Variants in ITIH5 observed in about 807,000 individuals in gnomAD.
The protein encoded by ITIH5 is inter-alpha-trypsin inhibitor heavy chain H5.
In ITIH5, 65 loss-of-function variants were observed where a neutral mutation model predicts 77.5. The observed-to-expected ratio is 0.84, with a 90% confidence interval of 0.69 to 1.03. The LOEUF is 1.03. ITIH5 is among the 50% of genes least tolerant of loss of function. The probability of loss-of-function intolerance (pLI) is 0.00; values close to 1 mark genes in which losing one functional copy is unlikely to be tolerated. For missense variants in ITIH5, 1,208 were observed against 1,213.1 expected, an observed-to-expected ratio of 1.00 and a Z score of 0.06; for synonymous variants, 525 against 494.3, an observed-to-expected ratio of 1.06 and a Z score of -0.82.
chr10:7,577,975 C>G (rs1472711111), intron 9 of ITIH5, among the ~76,000 whole-genome samples: 1 of 152,212 alleles, frequency 6.6e-6, no homozygotes, highest in Non-Finnish European at 1.5e-5. Flanking sequence ...ACTATGTCCT[C>G]CCAATGGAAT....
Position 7,652,167 on chromosome 10 carries a change from AG to A in ITIH5, c.135+3463del, listed in dbSNP as rs771904036. On this transcript the variant is annotated intron_variant, in intron 2 of 13. Transcript: ENST00000397146. ...TAAATATTTTGTGTGTATGTATGCC[AG>A]GGAGCTTCATAAAAAGGGTATCTAA... Among the ~76,000 whole-genome samples, 96 of 152,326 alleles carry A rather than the reference AG, an allele frequency of 6.3e-4. No homozygotes were observed. In the Middle Eastern group the frequency reaches 0.014, roughly 22 times the overall value.
In ITIH5 at chr10:7,586,075, CAA is replaced by C. The variant is rs1832672684; in HGVS notation, c.940-8_940-7del. The C allele has an allele frequency of 1.2e-6, 2 of 1,609,566 alleles. No individual in the cohort carries two copies. The highest frequency in any genetic ancestry group is 1.7e-6 in the Non-Finnish European group (2 of 1,178,108). ...GTGAAGAGGGCATCCTTGGTCTAGG[CAA>C]ACACAAAAGCAAAACCAGTCACAGC... On this transcript the variant is annotated splice_region_variant and splice_polypyrimidine_tract_variant and intron_variant, in intron 7 of 13. Coordinates refer to ENST00000397146, the MANE Select transcript of ITIH5 (RefSeq NM_030569.7).
chr10:7,653,681 C>T (rs1208189779), intron 2 of ITIH5, among the ~76,000 whole-genome samples: 1 of 152,064 alleles, frequency 6.6e-6, no homozygotes, highest in Non-Finnish European at 1.5e-5. Flanking sequence ...CATATAAATA[C>T]AGATTTAAAT....
chr10:7,563,747 G>A (rs4749016), intron 13 of ITIH5, among the ~76,000 whole-genome samples: 137,942 of 152,274 alleles, frequency 0.91, 63,867 homozygotes, highest in Non-Finnish European at 0.99. Flanking sequence ...TCACAGGCCC[G>A]CCTCCTTTCT....
At chr10:7,614,355 G>A (rs1833320976) in intron 7 of ITIH5, among the ~76,000 whole-genome samples, 1 of 152,184 alleles carries the variant, frequency 6.6e-6, no homozygotes, top group Non-Finnish European at 1.5e-5. Context: ...CATTATATTT[G>A]GCTATCCTCT....
intron 2 of ITIH5, among the ~76,000 whole-genome samples, chr10:7,646,993 CAAG>C (rs1433230675): frequency 6.6e-6 from 1 of 152,212 alleles, no homozygotes. Context: ...ATGGCACATT[CAAG>C]TGCTGCCATC....
intron 1 of ITIH5, among the ~76,000 whole-genome samples, chr10:7,661,210 TC>T (rs1471922181): frequency 6.6e-6 from 1 of 152,094 alleles, no homozygotes; most frequent in Non-Finnish European, 1.5e-5. Context: ...ACAAAACCAG[TC>T]CCTGGTGCTA....
Position 7,666,887 on chromosome 10 carries a change from G to A in ITIH5, c.6C>T (p.Leu2=), listed in dbSNP as rs766826809. ...GCCCCAGGCACAGCCCCAGCAGCAG[G>A]AGCATGGCGGGGCGAGGGCGCGGGA... M[L]LLLGLCLGLS... The change falls in exon 1 of 14, where the codon CTC becomes CTT. Residue 2 remains leucine (L), a synonymous_variant. Coordinates refer to ENST00000397146, the MANE Select transcript of ITIH5 (RefSeq NM_030569.7). The A allele has an allele frequency of 2.6e-5, 41 of 1,590,700 alleles. No homozygotes were observed. The highest frequency in any genetic ancestry group is 3.2e-5 in the Non-Finnish European group (37 of 1,170,884).
chr10:7,630,666 T>C (rs915101494), intron 5 of ITIH5, among the ~76,000 whole-genome samples: 1 of 152,254 alleles, frequency 6.6e-6, no homozygotes, highest in Non-Finnish European at 1.5e-5. Context: ...AATTGGGTTG[T>C]TTATCCTTTT....
intron 10 of ITIH5, among the ~76,000 whole-genome samples, chr10:7,575,437 C>T (rs767956315): frequency 5.9e-5 from 9 of 152,106 alleles, no homozygotes; most frequent in African/African-American, 1.9e-4. Context: ...GAGTAGGGTC[C>T]GACCAAACTC....
At chr10:7,666,738 G>C in intron 1 of ITIH5, 65 bp downstream of exon 1, 1 of 1,362,822 alleles carries the variant, frequency 7.3e-7, no homozygotes, top group South Asian at 1.2e-5. Context: ...GAAGCTCCGC[G>C]GCCGGGCCGG....
intron 7 of ITIH5, among the ~76,000 whole-genome samples, chr10:7,591,893 A>G (rs12569414): frequency 0.29 from 43,677 of 152,000 alleles, 6,503 homozygotes; most frequent in East Asian, 0.54. Flanking sequence ...ATTTTTTGAG[A>G]TGGAGTCTTG....
At chr10:7,660,200 G>A (rs1834254536) in intron 1 of ITIH5, among the ~76,000 whole-genome samples, 1 of 152,152 alleles carries the variant, frequency 6.6e-6, no homozygotes, top group African/African-American at 2.4e-5. Context: ...GCTCACGAAA[G>A]CACAATAGAC....
intron 8 of ITIH5, among the ~76,000 whole-genome samples, chr10:7,584,177 G>C (rs1254823543): frequency 1.3e-5 from 2 of 152,156 alleles, no homozygotes; most frequent in Non-Finnish European, 2.9e-5. Flanking sequence ...GAAGCAGGCT[G>C]ATCTGCTGTT....
chr10:7,598,234 T>G (rs1012142413), intron 7 of ITIH5, among the ~76,000 whole-genome samples: 3 of 152,166 alleles, frequency 2.0e-5, no homozygotes, highest in Non-Finnish European at 2.9e-5. Context: ...ATAAAAATGT[T>G]TAATTGTAAC....
intron 7 of ITIH5, among the ~76,000 whole-genome samples, chr10:7,596,592 C>T (rs925931599): frequency 6.6e-6 from 1 of 152,204 alleles, no homozygotes; most frequent in Admixed American, 6.5e-5. Context: ...AGCCATTCCA[C>T]GCCTCCTGCA....
chr10:7,576,488 AC>A lies in ITIH5; in HGVS notation c.1942del (p.Val648TrpfsTer43), dbSNP rs755517857. The A allele has an allele frequency of 1.1e-5, 17 of 1,607,766 alleles. No individual in the cohort carries two copies. The highest frequency in any genetic ancestry group is 3.3e-5 in the Admixed American group (2 of 59,914). The stretch of plus-strand genomic sequence containing the variant: ...GCCAGCTCCTCGCACGCTCTGCACC[AC>A]CGGTTCGGGTCCCATGGCAGCCGAC... ...GMSAAMGPEP[V>X]VQSVRGAGTQ... On this transcript the variant is annotated frameshift_variant, in exon 10 of 14. Transcript: ENST00000397146. LOFTEE classifies it high-confidence loss of function.
At chr10:7,590,767 G>A (rs569795998) in intron 7 of ITIH5, among the ~76,000 whole-genome samples, 9 of 152,306 alleles carry the variant, frequency 5.9e-5, no homozygotes, top group Non-Finnish European at 8.8e-5. Flanking sequence ...ACGTGGAAGC[G>A]GAGCGACAAA....
At chr10:7,617,510 A>C in intron 5 of ITIH5, 1 of 349,658 alleles carries the variant, frequency 2.9e-6, no homozygotes, top group East Asian at 4.8e-5. Flanking sequence ...TTTAAAACAC[A>C]CAAAAGTAGA....
Sources: allele counts gnomAD v4.1 joint callset (sites outside exome capture counted in the v4.1 genomes callset), GRCh38; gene constraint gnomAD v4.1.1; transcripts MANE v1.5; gene names NCBI Gene and HGNC (gene_info 2026-07-23, HGNC 2026-07-21).